The following CCDC88A variants were observed in gnomAD, a reference collection of about 807,000 sequenced individuals.
CCDC88A encodes the protein coiled-coil and HOOK domain protein 88A.
A neutral mutation model predicts 234.3 loss-of-function variants in CCDC88A; 54 were observed. The observed-to-expected ratio is 0.23, with a 90% CI of 0.19 to 0.29. The LOEUF is 0.29. Ranked by LOEUF, CCDC88A falls within the 10% of genes least tolerant of loss-of-function variation. The pLI, the probability that CCDC88A is intolerant of heterozygous loss-of-function variation, is 1.00. For missense variants in CCDC88A, 1,832 were observed against 2,123.4 expected (o/e 0.86, Z 2.70); for synonymous variants, 753 against 737.8 (o/e 1.02, Z -0.33).
Position 55,295,969 on chromosome 2 carries a change from C to A in CCDC88A, c.5179G>T (p.Val1727Phe), listed in dbSNP as rs1679983062. ...ACTGACCTGGCCAGACCACAGCTAA[C>A]TGGTTTGTCTTTTCCCAAAAAGTCA... ...SSDFLGKDKPVSCGLARSVSG... is the reference protein window; with the variant it reads ...SSDFLGKDKPFSCGLARSVSG... The change falls in exon 31 of 33, where the codon GTT becomes TTT. Residue 1727 changes from valine (V) to phenylalanine (F), a missense_variant. This residue lies in a region of CCDC88A where 422 missense variants were observed against 416.5 expected (regional missense o/e 1.01). Coordinates refer to ENST00000436346, the MANE Select transcript of CCDC88A (RefSeq NM_001365480.1). 1.2e-6 allele frequency: 2 copies of A among 1,613,916 alleles called. No homozygotes were observed. The highest frequency in any genetic ancestry group is 1.7e-6 in the Non-Finnish European group (2 of 1,179,936).
chr2:55,297,847 A>G (rs960826377), intron 29 of CCDC88A, among the ~76,000 whole-genome samples: 4 of 152,188 alleles, frequency 2.6e-5, no homozygotes, highest in African/African-American at 9.7e-5. Context: ...TCCTGCATGG[A>G]TAACTTTAAA....
Position 55,299,849 on chromosome 2 carries a change from A to G in CCDC88A, c.4815T>C (p.His1605=), listed in dbSNP as rs139125637. Residue 1605 remains histidine, a synonymous_variant, in exon 29 of 33, where the codon CAT becomes CAC. Transcript: ENST00000436346. ...TTACCTACAGCATACCTTTGACTTC[A>G]TGTAGTGAAGCATTATTATTGCTAT... ...TSNSNNNASL[H]EVKAGAVNNQ... 8 of 1,609,426 alleles carry G rather than the reference A, an allele frequency of 5.0e-6. No homozygotes were observed. Among genetic ancestry groups the G allele is most frequent in the Non-Finnish European group, 6.8e-6 (8 of 1,175,992 alleles).
At chr2:55,393,529 A>G (rs1023865800) in intron 2 of CCDC88A, among the ~76,000 whole-genome samples, 1 of 151,726 alleles carries the variant, frequency 6.6e-6, no homozygotes, top group Non-Finnish European at 1.5e-5. Flanking sequence ...CTTGACCTCA[A>G]GTGATCCACC....
intron 17 of CCDC88A, among the ~76,000 whole-genome samples, chr2:55,327,969 A>T (rs1187492764): frequency 6.6e-6 from 1 of 152,338 alleles, no homozygotes; most frequent in South Asian, 2.1e-4. Flanking sequence ...CCTCGATAGG[A>T]AAGAGTGACA....
At chr2:55,386,409 G>A (rs1373692302) in intron 3 of CCDC88A, among the ~76,000 whole-genome samples, 14 of 134,752 alleles carry the variant, frequency 1.0e-4, no homozygotes, top group African/African-American at 4.0e-4. Flanking sequence ...AGACCAGCCT[G>A]GGCAACATAG....
At chr2:55,300,019 T>G in intron 28 of CCDC88A, 100 bp from the exon 29 acceptor site, 1 of 818,802 alleles carries the variant, frequency 1.2e-6, no homozygotes, top group South Asian at 1.5e-5. Context: ...GAAGCAATCA[T>G]GCATACTTTC....
chr2:55,304,601 C>CA (rs1681309949), intron 25 of CCDC88A, among the ~76,000 whole-genome samples: 1 of 151,780 alleles, frequency 6.6e-6, no homozygotes, highest in Non-Finnish European at 1.5e-5. Context: ...CCAAAGCAAG[C>CA]AAAAATGAGA....
rs1685309472 is a variant in CCDC88A at position 55,334,968 on chromosome 2, T to G, written c.1853A>C (p.Glu618Ala). The G allele has an allele frequency of 6.3e-7, 1 of 1,585,894 alleles. No individual in the cohort carries two copies. The highest frequency in any genetic ancestry group is 1.4e-5 in the African/African-American group (1 of 73,912). The change falls in exon 15 of 33, where the codon GAA (glutamate) becomes GCA (alanine). Residue 618 changes from glutamate (E) to alanine (A), a missense_variant. By Grantham distance (107) the Glu-to-Ala change is moderately radical (BLOSUM62 -1). Transcript: ENST00000436346. The surrounding 1 kb of genome is among the most constrained non-coding windows in gnomAD (Gnocchi z 6.1). ...FEKRQIKKEL[E>A]HYKEKGERAE... Reference sequence around the variant, plus strand: ...TCGTTCTCCTTTTTCTTTATAATGTTCCAATTCTTTTTTAATTTGTCTTTT... The same window carrying G: ...TCGTTCTCCTTTTTCTTTATAATGTGCCAATTCTTTTTTAATTTGTCTTTT...
rs2104690802 is a variant in CCDC88A, at chr2:55,335,106, T to C, written c.1715A>G (p.Gln572Arg). Residue 572 changes from glutamine to arginine, a missense_variant, in exon 15 of 33, where the codon CAG (glutamine) becomes CGG (arginine). By Grantham distance (43) the Gln-to-Arg change is conservative. Transcript: ENST00000436346. The surrounding 1 kb of genome is among the most constrained non-coding windows in gnomAD (Gnocchi z 4.5). ...HLNQTVSSLR[Q>R]RSQISAEARV... ...TGCTTCTGCACTTATCTGGGACCGCTGCCTTAAGGAAGACACTGTTTGATT... is the reference window on the plus strand; with the variant it reads ...TGCTTCTGCACTTATCTGGGACCGCCGCCTTAAGGAAGACACTGTTTGATT... 1 of 1,593,686 alleles carries C rather than the reference T, an allele frequency of 6.3e-7. No individual in the cohort carries two copies. The highest frequency in any genetic ancestry group is 8.5e-7 in the Non-Finnish European group (1 of 1,172,678).
In CCDC88A at chr2:55,386,516, G is replaced by C. The variant is rs1383752077; in HGVS notation, c.273+2262C>G. ...GATGGAGGTTTGCTCTTGCTGCCAAGGCTGGAGTGCAACAGCATGATCTCG... is the reference window on the plus strand; with the variant it reads ...GATGGAGGTTTGCTCTTGCTGCCAACGCTGGAGTGCAACAGCATGATCTCG... On this transcript the variant is annotated intron_variant, in intron 3 of 32. Coordinates refer to ENST00000436346, the MANE Select transcript of CCDC88A (RefSeq NM_001365480.1). Among the ~76,000 whole-genome samples, 4 of 141,464 alleles carry C rather than the reference G, an allele frequency of 2.8e-5. No homozygotes were observed. The East Asian group carries it at 8.2e-4, about 29-fold the overall frequency. The allele number at this position is 141,464 out of a possible 152,430, so 92.8% of individuals were successfully genotyped here.
At chr2:55,377,523 C>T (rs1034375459) in intron 3 of CCDC88A, among the ~76,000 whole-genome samples, 3 of 152,092 alleles carry the variant, frequency 2.0e-5, no homozygotes, top group African/African-American at 7.2e-5. Flanking sequence ...TGTCTATATC[C>T]TACTTTGTGA....
chr2:55,342,521 G>A (rs1424229701), intron 12 of CCDC88A, among the ~76,000 whole-genome samples: 1 of 152,090 alleles, frequency 6.6e-6, no homozygotes, highest in Non-Finnish European at 1.5e-5. Context: ...AACTAACACA[G>A]TAATTCTAAA....
At chr2:55,376,653 T>C (rs186882534) in intron 3 of CCDC88A, among the ~76,000 whole-genome samples, 4 of 152,320 alleles carry the variant, frequency 2.6e-5, no homozygotes, top group Admixed American at 2.6e-4. Context: ...ACATACTCAA[T>C]ATATGCATCA....
intron 7 of CCDC88A, among the ~76,000 whole-genome samples, chr2:55,359,868 G>T (rs10194425): frequency 5.4e-5 from 7 of 129,150 alleles, no homozygotes; most frequent in African/African-American, 2.3e-4. Context: ...ACAAAAACAG[G>T]TGACCTATTA....
chr2:55,344,168 G>C (rs1668826232), intron 11 of CCDC88A, 200 bp downstream of exon 11: 1 of 394,466 alleles, frequency 2.5e-6, no homozygotes, highest in Non-Finnish European at 4.5e-6. Flanking sequence ...ACATTAGTAA[G>C]TAACATGCTT....
Position 55,300,093 on chromosome 2 carries a change from T to C in CCDC88A, c.4745-174A>G, listed in dbSNP as rs1387242007. 3 of 560,720 alleles carry C rather than the reference T, an allele frequency of 5.4e-6. No homozygotes were observed. In the Admixed American group the frequency reaches 9.6e-5, roughly 18 times the overall value. 34.7% of individuals were successfully genotyped at this position (560,720 alleles called of 1,614,324 possible). On this transcript the variant is annotated intron_variant, in intron 28 of 32. Transcript: ENST00000436346. ...GATAGTTCATTGAGACACTTTAGAA[T>C]AGGACACTTCTGAAACAATAGTTGA...
chr2:55,392,063 C>T (rs1415147816), intron 2 of CCDC88A, among the ~76,000 whole-genome samples: 2 of 152,152 alleles, frequency 1.3e-5, no homozygotes, highest in Non-Finnish European at 2.9e-5. Context: ...TGTGTTGACT[C>T]ATAATTAAGT....
At chr2:55,353,827 A>G (rs951876364) in intron 8 of CCDC88A, among the ~76,000 whole-genome samples, 2 of 152,172 alleles carry the variant, frequency 1.3e-5, no homozygotes, top group African/African-American at 4.8e-5. Flanking sequence ...AGAAAATACA[A>G]TTTCATCAGT....
intron 26 of CCDC88A, 67 bp downstream of exon 26, chr2:55,302,998 GGTTA>G: frequency 1.1e-6 from 1 of 949,728 alleles, no homozygotes; most frequent in Non-Finnish European, 1.7e-6. Context: ...TCCAGAGAAA[GGTTA>G]GTGAAAAATT....
Sources: gnomAD v4.1 joint callset for allele counts (sites outside exome capture counted in the v4.1 genomes callset) on GRCh38, gnomAD v4.1.1 for gene constraint, gnomAD v4.1.1 regional missense constraint, Gnocchi (gnomAD v3.1) non-coding constraint, MANE v1.5 for transcripts, NCBI Gene and HGNC (gene_info 2026-07-23, HGNC 2026-07-21) for gene names.